SIK2: variants seen among roughly 807,000 people sequenced by gnomAD.
The protein encoded by SIK2 is salt inducible kinase 2.
SIK2 carries 29 observed loss-of-function variants against 103.2 expected under a neutral mutation model. The observed-to-expected ratio is 0.28, with a 90% CI of 0.21 to 0.38. The LOEUF (loss-of-function observed/expected upper bound fraction) is 0.38, where lower values mean the gene tolerates loss of function less well. Ranked by LOEUF, SIK2 falls within the 10% of genes least tolerant of loss-of-function variation. SIK2 has a pLI of 1.00. For synonymous variants in SIK2, 412 were observed against 446.1 expected (o/e 0.92, Z 0.96); for missense variants, 879 against 1,171.0 (o/e 0.75, Z 3.64).
intron 3 of SIK2, chr11:111,671,174 T>C: frequency 4.2e-6 from 1 of 240,226 alleles, no homozygotes; most frequent in South Asian, 5.5e-5. Flanking sequence ...TTCCTATGGA[T>C]ACTCATATTC....
At chr11:111,685,596 C>T (rs962947519) in intron 3 of SIK2, among the ~76,000 whole-genome samples, 4 of 152,130 alleles carry the variant, frequency 2.6e-5, no homozygotes, top group Admixed American at 6.5e-5. Context: ...GTAATCCCAG[C>T]ACTTTGGGAG....
chr11:111,674,835 C>T (rs888471335), intron 3 of SIK2, among the ~76,000 whole-genome samples: 12 of 152,132 alleles, frequency 7.9e-5, no homozygotes, highest in African/African-American at 2.9e-4. Context: ...CAACCTCCAC[C>T]TCCCAGGTTC....
chr11:111,684,575 C>T (rs1170415307), intron 3 of SIK2, among the ~76,000 whole-genome samples: 3 of 152,182 alleles, frequency 2.0e-5, no homozygotes, highest in African/African-American at 7.2e-5. Flanking sequence ...AAGATATTCT[C>T]TTATAGAAAG....
Position 111,730,110 on chromosome 11 carries a change from G to A in SIK2, c.*5981G>A, listed in dbSNP as rs1386470304. ...AACTAGAAGTGCTTATTACTTTTAG[G>A]ATTAAAAAAGTAATAACAGACTTTG... On this transcript the variant is annotated 3_prime_UTR_variant, in exon 15 of 15. Coordinates refer to ENST00000304987, the MANE Select transcript of SIK2 (RefSeq NM_015191.3). 1 of 152,290 alleles carries A rather than the reference G, an allele frequency of 6.6e-6. No individual in the cohort carries two copies. Among genetic ancestry groups the A allele is most frequent in the African/African-American group, 2.4e-5 (1 of 41,546 alleles). The allele number at this position is 152,290 out of a possible 1,614,324, so 9.4% of individuals were successfully genotyped here.
At chr11:111,707,956 T>TACCA (rs1265337767) in intron 8 of SIK2, among the ~76,000 whole-genome samples, 16 of 152,302 alleles carry the variant, frequency 1.1e-4, no homozygotes, top group African/African-American at 3.9e-4. Context: ...AAGATACAGT[T>TACCA]AGTTAACCTG....
At chr11:111,620,245 TTTA>T in intron 2 of SIK2, 91 bp from the exon 3 acceptor site, 1 of 802,540 alleles carries the variant, frequency 1.2e-6, no homozygotes, top group Non-Finnish European at 2.1e-6. Flanking sequence ...CTGTGATTCT[TTTA>T]TTAGTAGTTT....
intron 3 of SIK2, among the ~76,000 whole-genome samples, chr11:111,621,367 T>C (rs1048558179): frequency 6.6e-6 from 1 of 152,254 alleles, no homozygotes; most frequent in Non-Finnish European, 1.5e-5. Flanking sequence ...TTTTTTGGTC[T>C]AGCTTCTTTC....
At chr11:111,646,948 CAT>C (rs1422759910) in intron 3 of SIK2, among the ~76,000 whole-genome samples, 4 of 152,270 alleles carry the variant, frequency 2.6e-5, no homozygotes, top group African/African-American at 9.6e-5. Flanking sequence ...CATTTATAAA[CAT>C]ATGATTTCTT....
At chr11:111,685,808 CACTGT>C (rs1942837127) in intron 3 of SIK2, among the ~76,000 whole-genome samples, 2 of 152,146 alleles carry the variant, frequency 1.3e-5, no homozygotes, top group South Asian at 4.1e-4. Flanking sequence ...TATAATTGCA[CACTGT>C]ACTGCACCCT....
rs1943951843 is a variant in SIK2, at chr11:111,725,969, A to C, written c.*1840A>C. 1 of 152,220 alleles carries C rather than the reference A, an allele frequency of 6.6e-6. No individual in the cohort carries two copies. The highest frequency in any genetic ancestry group is 1.5e-5 in the Non-Finnish European group (1 of 68,036). 9.4% of individuals were successfully genotyped at this position (152,220 alleles called of 1,614,324 possible). A position where few individuals can be genotyped will look rare whatever the true frequency, so the allele number is the denominator to read the frequency against. On this transcript the variant is annotated 3_prime_UTR_variant, in exon 15 of 15. Transcript: ENST00000304987. ...CACAGTGAAAATCCAGGAAGAATGA[A>C]TTAAGCTTCTTCTGGGAGTTGTTTA...
chr11:111,683,109 G>C (rs1942797880), intron 3 of SIK2: 1 of 152,330 alleles, frequency 6.6e-6, no homozygotes, highest in Admixed American at 6.5e-5. Context: ...AAATACATAA[G>C]CAGATATGAG....
chr11:111,695,033 C>T (rs1943037072), intron 4 of SIK2, among the ~76,000 whole-genome samples: 1 of 152,110 alleles, frequency 6.6e-6, no homozygotes, highest in African/African-American at 2.4e-5. Context: ...TGGTGGGCAA[C>T]AAAGTATGCA....
At chr11:111,623,872 A>G (rs938079826) in intron 3 of SIK2, among the ~76,000 whole-genome samples, 1 of 152,084 alleles carries the variant, frequency 6.6e-6, no homozygotes, top group African/African-American at 2.4e-5. Flanking sequence ...AGCATTGTCT[A>G]CTCAACTCAA....
intron 8 of SIK2, among the ~76,000 whole-genome samples, chr11:111,706,995 G>A (rs1327904019): frequency 2.0e-5 from 3 of 150,918 alleles, no homozygotes; most frequent in Admixed American, 2.0e-4. Context: ...TGATACAGAT[G>A]TAAGTAAAAT....
At chr11:111,713,192 AAGTT>A (rs56248632) in intron 9 of SIK2, among the ~76,000 whole-genome samples, 43,389 of 151,844 alleles carry the variant, frequency 0.29, 7,201 homozygotes, top group East Asian at 0.53. Context: ...ATAAAAATAA[AAGTT>A]AGTATGTGGA....
rs138683702 is a variant in SIK2, at chr11:111,700,959, C to T, written c.552C>T (p.Ala184=). 1 of 1,613,922 alleles carries T rather than the reference C, an allele frequency of 6.2e-7. No individual in the cohort carries two copies. The highest frequency in any genetic ancestry group is 1.3e-5 in the African/African-American group (1 of 74,876). The change falls in exon 5 of 15, where the codon GCC becomes GCT. Residue 184 remains alanine (A), a synonymous_variant. Coordinates refer to ENST00000304987, the MANE Select transcript of SIK2 (RefSeq NM_015191.3). ...ATWCGSPPYA[A]PEVFEGQQYE... ...GGTGTGGCAGCCCCCCTTATGCAGC[C>T]CCAGAAGTCTTTGAAGGGCAGCAGT...
intron 3 of SIK2, among the ~76,000 whole-genome samples, chr11:111,686,546 G>A (rs1292192345): frequency 1.3e-5 from 2 of 152,218 alleles, no homozygotes; most frequent in Non-Finnish European, 2.9e-5. Flanking sequence ...GAAAATGTGT[G>A]CAGGTGACTG....
At chr11:111,670,071 C>G (rs76170830) in intron 3 of SIK2, among the ~76,000 whole-genome samples, 1 of 152,120 alleles carries the variant, frequency 6.6e-6, no homozygotes, top group African/African-American at 2.4e-5. Context: ...TCTCCTCCGA[C>G]TATTTTGAAC....
intron 4 of SIK2, among the ~76,000 whole-genome samples, chr11:111,698,462 G>C (rs140606519): frequency 0.026 from 4,005 of 152,162 alleles, 84 homozygotes; most frequent in Middle Eastern, 0.051. Context: ...CTTACCAATG[G>C]GCCAGGTGGT....
Sources: gnomAD v4.1 joint callset for allele counts (sites outside exome capture counted in the v4.1 genomes callset) on GRCh38, gnomAD v4.1.1 for gene constraint, MANE v1.5 for transcripts, NCBI Gene and HGNC (gene_info 2026-07-23, HGNC 2026-07-21) for gene names.